Variants in TNR observed in about 807,000 individuals in gnomAD.
TNR encodes tenascin R.
A neutral mutation model predicts 150.4 loss-of-function variants in TNR; 45 were observed. That is an observed-to-expected ratio of 0.30 (90% CI 0.24 to 0.38). The LOEUF (loss-of-function observed/expected upper bound fraction) is 0.38. Among genes scored for constraint, TNR ranks in the 10% least tolerant of loss-of-function variants. The probability of loss-of-function intolerance (pLI) is 1.00; values close to 1 mark genes in which losing one functional copy is unlikely to be tolerated. For synonymous variants in TNR, 687 were observed against 678.4 expected (o/e 1.01, Z -0.20); for missense variants, 1,544 against 1,759.1 (o/e 0.88, Z 2.19).
At chr1:175,668,582 C>G (rs1460601352) in intron 1 of TNR, among the ~76,000 whole-genome samples, 1 of 152,156 alleles carries the variant, frequency 6.6e-6, no homozygotes, top group Non-Finnish European at 1.5e-5. Flanking sequence ...GCAGAACTTG[C>G]TGGCTGTCAC....
intron 19 of TNR, 127 bp downstream of exon 19, chr1:175,337,401 G>C (rs1192565863): frequency 1.8e-6 from 2 of 1,123,150 alleles, no homozygotes; most frequent in Non-Finnish European, 1.3e-6. Flanking sequence ...GGAGCCCCAA[G>C]ATGGACATGT....
At chr1:175,691,666 T>C (rs373587465) in intron 1 of TNR, among the ~76,000 whole-genome samples, 114 of 152,248 alleles carry the variant, frequency 7.5e-4, no homozygotes, top group African/African-American at 2.6e-3. Flanking sequence ...TTAATCTCTT[T>C]GTCGGTTTCA....
intron 1 of TNR, among the ~76,000 whole-genome samples, chr1:175,630,142 T>C (rs1279568273): frequency 6.6e-6 from 1 of 152,164 alleles, no homozygotes; most frequent in African/African-American, 2.4e-5. Context: ...GGTGGAAGAC[T>C]CCAGGGGCTC....
intron 9 of TNR, among the ~76,000 whole-genome samples, chr1:175,371,158 A>G (rs1652087638): frequency 6.6e-6 from 1 of 152,070 alleles, no homozygotes; most frequent in Admixed American, 6.5e-5. Context: ...TCACTTTTTA[A>G]AGACCCCATT....
intron 1 of TNR, among the ~76,000 whole-genome samples, chr1:175,585,249 A>G (rs529146527): frequency 5.4e-4 from 83 of 152,380 alleles, no homozygotes; most frequent in Non-Finnish European, 1.0e-3. Context: ...GCCTAAGGTC[A>G]TATAACTAAT....
intron 1 of TNR, among the ~76,000 whole-genome samples, chr1:175,678,199 T>TGAGGGAGG (rs1185475341): frequency 6.6e-6 from 1 of 152,130 alleles, no homozygotes; most frequent in Non-Finnish European, 1.5e-5. Flanking sequence ...TTCCTAAGGA[T>TGAGGGAGG]GAGGGAGGTG....
intron 2 of TNR, among the ~76,000 whole-genome samples, chr1:175,446,586 T>G (rs565594823): frequency 1.3e-5 from 2 of 152,228 alleles, no homozygotes; most frequent in Non-Finnish European, 2.9e-5. Flanking sequence ...CATACATTAT[T>G]AATAGTAGCC....
chr1:175,562,088 C>G (rs1661453346), intron 1 of TNR, among the ~76,000 whole-genome samples: 1 of 152,052 alleles, frequency 6.6e-6, no homozygotes, highest in Admixed American at 6.6e-5. Flanking sequence ...ATCTCCTTGG[C>G]AAAAGAGGCT....
intron 2 of TNR, among the ~76,000 whole-genome samples, chr1:175,431,802 A>G (rs1655276128): frequency 1.3e-5 from 2 of 151,906 alleles, no homozygotes; most frequent in Non-Finnish European, 2.9e-5. Context: ...AATGGTGATT[A>G]CTTCTAGGCA....
intron 1 of TNR, among the ~76,000 whole-genome samples, chr1:175,565,556 G>A (rs777902039): frequency 2.0e-5 from 3 of 152,160 alleles, no homozygotes; most frequent in Non-Finnish European, 4.4e-5. Context: ...CCTGAGTGAG[G>A]GTGCAGGGAA....
At chr1:175,618,917 G>T (rs1663867985) in intron 1 of TNR, among the ~76,000 whole-genome samples, 1 of 152,148 alleles carries the variant, frequency 6.6e-6, no homozygotes, top group African/African-American at 2.4e-5. Context: ...CTGAGGATTT[G>T]GTTGGCCACT....
At chr1:175,674,679 C>T (rs1018981107) in intron 1 of TNR, among the ~76,000 whole-genome samples, 1 of 152,166 alleles carries the variant, frequency 6.6e-6, no homozygotes, top group Admixed American at 6.5e-5. Flanking sequence ...TAGCCTGACT[C>T]CTCCAGGCTC....
intron 1 of TNR, among the ~76,000 whole-genome samples, chr1:175,566,290 G>A (rs146791656): frequency 1.3e-5 from 2 of 152,222 alleles, no homozygotes; most frequent in Admixed American, 1.3e-4. Context: ...CCAAAATGGG[G>A]TGAGTAGGGG....
In TNR at chr1:175,559,623, A is replaced by G. The variant is rs114560809; in HGVS notation, c.-164-31254T>C. ...TTGTACATGTTTTTAGATGTAAATA[A>G]ATGCTATCATATTGTAGGTATTCTT... On this transcript the variant is annotated intron_variant, in intron 1 of 22. Transcript: ENST00000367674. Among the ~76,000 whole-genome samples, 969 of 152,280 alleles carry G rather than the reference A, an allele frequency of 6.4e-3. 13 individuals are homozygous for G. Among genetic ancestry groups the G allele is most frequent in the African/African-American group, 0.022 (931 of 41,560 alleles).
Position 175,568,774 on chromosome 1 carries a change from G to T in TNR, c.-164-40405C>A, listed in dbSNP as rs10913011. Among the ~76,000 whole-genome samples, 729 of 152,288 alleles carry T rather than the reference G, an allele frequency of 4.8e-3. 3 individuals carry two copies. The highest frequency in any genetic ancestry group is 0.017 in the African/African-American group (696 of 41,556). ...ACAGGAACCCTCCTCTTAGGGACTT[G>T]AGACTCTTGAAGGAAGCCATAATGG... On this transcript the variant is annotated intron_variant, in intron 1 of 22. Coordinates refer to ENST00000367674, the MANE Select transcript of TNR (RefSeq NM_003285.3).
At chr1:175,737,554 C>T (rs920650055) in intron 1 of TNR, among the ~76,000 whole-genome samples, 3 of 152,114 alleles carry the variant, frequency 2.0e-5, no homozygotes, top group Admixed American at 1.3e-4. Flanking sequence ...GAGATGTTGC[C>T]AAGCTTTTGT....
At chr1:175,346,981 T>A (rs991902827) in intron 18 of TNR, among the ~76,000 whole-genome samples, 1 of 151,830 alleles carries the variant, frequency 6.6e-6, no homozygotes, top group Non-Finnish European at 1.5e-5. Context: ...TTAGTGAACA[T>A]GGATTTCAAA....
chr1:175,731,431 C>T (rs755653610), intron 1 of TNR, among the ~76,000 whole-genome samples: 25 of 152,100 alleles, frequency 1.6e-4, no homozygotes, highest in Non-Finnish European at 3.2e-4. Context: ...TAGTATATAA[C>T]TATGAAAAGT....
intron 1 of TNR, among the ~76,000 whole-genome samples, chr1:175,682,217 C>T (rs987089167): frequency 6.6e-6 from 1 of 152,184 alleles, no homozygotes; most frequent in Non-Finnish European, 1.5e-5. Context: ...GTATTAATTA[C>T]TAACTGACTA....
Sources: gnomAD v4.1 joint callset for allele counts (sites outside exome capture counted in the v4.1 genomes callset) on GRCh38, gnomAD v4.1.1 for gene constraint, MANE v1.5 for transcripts, NCBI Gene and HGNC (gene_info 2026-07-23, HGNC 2026-07-21) for gene names.